The following PTPRD variants were observed in gnomAD, a reference collection of about 807,000 sequenced individuals.
PTPRD encodes receptor-type tyrosine-protein phosphatase delta.
In PTPRD, 34 loss-of-function variants were observed where a neutral mutation model predicts 214.5. That is an observed-to-expected ratio of 0.16 (90% CI 0.12 to 0.21). The LOEUF (loss-of-function observed/expected upper bound fraction) is 0.21. Ranked by LOEUF, PTPRD falls within the 10% of genes least tolerant of loss-of-function variation. The pLI is 1.00. For missense variants in PTPRD, 2,545 were observed against 2,398.7 expected (o/e 1.06, Z -1.27); for synonymous variants, 1,128 against 845.7 (o/e 1.33, Z -5.79).
chr9:9,112,422 C>G (rs1591810070), intron 10 of PTPRD, among the ~76,000 whole-genome samples: 1 of 152,112 alleles, frequency 6.6e-6, no homozygotes, highest in Admixed American at 6.6e-5. Context: ...TGCTTTTTTT[C>G]CTGCACAGCC....
At chr9:9,933,336 TCA>T (rs1215120313) in intron 5 of PTPRD, among the ~76,000 whole-genome samples, 5 of 152,038 alleles carry the variant, frequency 3.3e-5, no homozygotes, top group East Asian at 1.9e-4. Context: ...GAAACCCATC[TCA>T]CATGCAGAGA....
At chr9:9,486,506 T>C (rs989343806) in intron 8 of PTPRD, among the ~76,000 whole-genome samples, 2 of 152,182 alleles carry the variant, frequency 1.3e-5, no homozygotes, top group African/African-American at 4.8e-5. Context: ...TACACTCTTA[T>C]GCTTTTTTTT....
chr9:10,070,886 G>A (rs2097996822), intron 3 of PTPRD, among the ~76,000 whole-genome samples: 1 of 151,896 alleles, frequency 6.6e-6, no homozygotes, highest in African/African-American at 2.4e-5. Flanking sequence ...AGAGTCATGA[G>A]TCCACAAAAA....
intron 10 of PTPRD, among the ~76,000 whole-genome samples, chr9:9,023,254 A>G (rs987045595): frequency 6.6e-6 from 1 of 152,178 alleles, no homozygotes; most frequent in Non-Finnish European, 1.5e-5. Flanking sequence ...TATTCAGTGA[A>G]CTGAATTTGT....
At chr9:8,890,527 A>G (rs2098529932) in intron 11 of PTPRD, among the ~76,000 whole-genome samples, 2 of 152,208 alleles carry the variant, frequency 1.3e-5, no homozygotes, top group Admixed American at 6.5e-5. Context: ...GACTGAATCA[A>G]TGTGGTTAGA....
chr9:9,717,226 C>A (rs532980747), intron 7 of PTPRD, among the ~76,000 whole-genome samples: 2 of 152,242 alleles, frequency 1.3e-5, no homozygotes, highest in Middle Eastern at 3.4e-3. Flanking sequence ...GTTTTGGTAC[C>A]AGTACCATGC....
intron 3 of PTPRD, among the ~76,000 whole-genome samples, chr9:10,200,300 G>A (rs2099414529): frequency 6.6e-6 from 1 of 152,028 alleles, no homozygotes; most frequent in African/African-American, 2.4e-5. Flanking sequence ...ATAGATCAGT[G>A]GTTTTCAACT....
chr9:10,238,195 A>G (rs2099635393), intron 3 of PTPRD, among the ~76,000 whole-genome samples: 1 of 151,022 alleles, frequency 6.6e-6, no homozygotes, highest in Admixed American at 6.6e-5. Flanking sequence ...GACAGGAAGA[A>G]AAAGCACTCA....
Position 8,728,251 on chromosome 9 carries a change from G to GA in PTPRD, c.64+5528dup, listed in dbSNP as rs560687387. On this transcript the variant is annotated intron_variant, in intron 12 of 45. Transcript: ENST00000381196. ...GGTAACAAGAGCAAAACTCCATCTC[G>GA]AAAAAAAAGAACATTTTCATCATCC... is the stretch of plus-strand genomic sequence containing the variant. 1.7e-3 allele frequency among the ~76,000 whole-genome samples: 262 copies of GA among 151,306 alleles called. 1 individual carries two copies. Among genetic ancestry groups the GA allele is most frequent in the African/African-American group, 6.0e-3 (249 of 41,350 alleles).
At chr9:8,488,069 G>C (rs1047584258) in intron 27 of PTPRD, among the ~76,000 whole-genome samples, 1 of 152,012 alleles carries the variant, frequency 6.6e-6, no homozygotes, top group Non-Finnish European at 1.5e-5. Flanking sequence ...TAGGAAAGGA[G>C]GAAAGCTTAC....
chr9:9,479,289 C>G (rs534132409), intron 8 of PTPRD, among the ~76,000 whole-genome samples: 3 of 127,338 alleles, frequency 2.4e-5, no homozygotes, highest in African/African-American at 8.9e-5. Context: ...GTTTCATCTC[C>G]ATTTTCAGGA....
chr9:9,415,988 A>G (rs984644930), intron 8 of PTPRD, among the ~76,000 whole-genome samples: 1 of 152,150 alleles, frequency 6.6e-6, no homozygotes, highest in Admixed American at 6.5e-5. Context: ...TTTACAGGAT[A>G]GGATAGATGT....
chr9:8,609,723 T>C (rs987141722), intron 14 of PTPRD, among the ~76,000 whole-genome samples: 2 of 152,236 alleles, frequency 1.3e-5, no homozygotes, highest in Non-Finnish European at 2.9e-5. Flanking sequence ...AATAGCTGGT[T>C]ATAGGTACTA....
At chr9:9,374,466 C>T (rs1245498977) in intron 9 of PTPRD, among the ~76,000 whole-genome samples, 3 of 152,014 alleles carry the variant, frequency 2.0e-5, no homozygotes, top group Non-Finnish European at 4.4e-5. Flanking sequence ...AAAATAAAAG[C>T]AGTTTTAACT....
At chr9:9,338,840 C>G in intron 9 of PTPRD, among the ~76,000 whole-genome samples, 1 of 152,264 alleles carries the variant, frequency 6.6e-6, no homozygotes, top group Middle Eastern at 3.4e-3. Context: ...CATCTCTCCC[C>G]TACCCCCTCA....
intron 11 of PTPRD, among the ~76,000 whole-genome samples, chr9:8,984,818 G>C (rs2099330859): frequency 6.6e-6 from 1 of 152,062 alleles, no homozygotes; most frequent in Admixed American, 6.6e-5. Context: ...ATTTTACAAA[G>C]CTTGGATGTG....
intron 5 of PTPRD, among the ~76,000 whole-genome samples, chr9:9,899,484 T>G (rs2075863649): frequency 6.6e-6 from 1 of 152,074 alleles, no homozygotes; most frequent in African/African-American, 2.4e-5. Flanking sequence ...AAATGCAAAT[T>G]AAAGCCACTG....
intron 3 of PTPRD, among the ~76,000 whole-genome samples, chr9:10,253,805 G>C (rs1335619586): frequency 6.6e-6 from 1 of 152,056 alleles, no homozygotes; most frequent in Non-Finnish European, 1.5e-5. Context: ...ATTTTCACAG[G>C]GAATGAAATG....
intron 5 of PTPRD, among the ~76,000 whole-genome samples, chr9:9,899,854 C>T (rs1009745512): frequency 6.6e-6 from 1 of 151,928 alleles, no homozygotes; most frequent in Non-Finnish European, 1.5e-5. Context: ...AGATGGAACA[C>T]TAGTCTTAAG....
Sources: gnomAD v4.1 joint callset for allele counts (sites outside exome capture counted in the v4.1 genomes callset) on GRCh38, gnomAD v4.1.1 for gene constraint, MANE v1.5 for transcripts, NCBI Gene and HGNC (gene_info 2026-07-23, HGNC 2026-07-21) for gene names.